The following CTTNBP2 variants were observed in gnomAD, a reference collection of about 807,000 sequenced individuals.
CTTNBP2 encodes cortactin binding protein 2, also known as cortactin-binding protein 2.
A neutral mutation model predicts 156.9 loss-of-function variants in CTTNBP2; 108 were observed. The observed-to-expected ratio is 0.69, with a 90% confidence interval of 0.59 to 0.81. The LOEUF is 0.81. CTTNBP2 is among the 30% of genes least tolerant of loss of function. The pLI, the probability that CTTNBP2 is intolerant of heterozygous loss-of-function variation, is 0.00. For synonymous variants in CTTNBP2, 767 were observed against 751.8 expected, an observed-to-expected ratio of 1.02 and a Z score of -0.33; for missense variants, 1,924 against 2,035.4, an observed-to-expected ratio of 0.95 and a Z score of 1.05.
intron 2 of CTTNBP2, among the ~76,000 whole-genome samples, chr7:117,855,563 A>G (rs1198017571): frequency 3.3e-5 from 5 of 152,220 alleles, no homozygotes; most frequent in Non-Finnish European, 7.3e-5. Flanking sequence ...TCTAGTGGGT[A>G]GAGACCAAGG....
chr7:117,737,630 G>C (rs1795777554), intron 14 of CTTNBP2, among the ~76,000 whole-genome samples: 1 of 152,178 alleles, frequency 6.6e-6, no homozygotes, highest in African/African-American at 2.4e-5. Context: ...CTGGAGTGCA[G>C]TGGCGTGATC....
chr7:117,824,633 A>T (rs1254613444), intron 2 of CTTNBP2, among the ~76,000 whole-genome samples: 1 of 152,234 alleles, frequency 6.6e-6, no homozygotes, highest in East Asian at 1.9e-4. Context: ...AGGGCAAGGG[A>T]CTTGCCCACA....
At chr7:117,818,713 A>G (rs1003461194) in intron 2 of CTTNBP2, among the ~76,000 whole-genome samples, 7 of 152,230 alleles carry the variant, frequency 4.6e-5, no homozygotes, top group African/African-American at 1.7e-4. Context: ...AAGACTGAAG[A>G]GGAAGAGCAG....
chr7:117,741,950 G>T (rs901601684), intron 14 of CTTNBP2, among the ~76,000 whole-genome samples: 1 of 152,298 alleles, frequency 6.6e-6, no homozygotes, highest in Non-Finnish European at 1.5e-5. Flanking sequence ...GCTAAGAGAA[G>T]AATAAGTTAA....
intron 3 of CTTNBP2, among the ~76,000 whole-genome samples, chr7:117,796,810 AAGTT>A (rs1799347269): frequency 6.6e-6 from 1 of 152,250 alleles, no homozygotes; most frequent in Non-Finnish European, 1.5e-5. Context: ...ATGTTTTTAT[AAGTT>A]AGATAGGGGT....
At chr7:117,757,812 T>C in intron 11 of CTTNBP2, 63 bp downstream of exon 11, 1 of 1,056,286 alleles carries the variant, frequency 9.5e-7, no homozygotes, top group Non-Finnish European at 1.4e-6. Flanking sequence ...TAAGAACTGG[T>C]GCTCTGAGGC....
chr7:117,735,704 T>A (rs558799715), intron 14 of CTTNBP2, among the ~76,000 whole-genome samples: 1 of 152,352 alleles, frequency 6.6e-6, no homozygotes, highest in South Asian at 2.1e-4. Context: ...AATAAGAGTA[T>A]GTTCATACAA....
intron 2 of CTTNBP2, among the ~76,000 whole-genome samples, chr7:117,829,392 C>A (rs1475944548): frequency 6.6e-6 from 1 of 152,220 alleles, no homozygotes; most frequent in Non-Finnish European, 1.5e-5. Context: ...GTTCTTAAAA[C>A]CCATCAGTTA....
intron 14 of CTTNBP2, among the ~76,000 whole-genome samples, chr7:117,744,551 G>C (rs1489234262): frequency 2.0e-5 from 3 of 152,094 alleles, no homozygotes; most frequent in Admixed American, 6.6e-5. Flanking sequence ...GCTCCATCGT[G>C]TATATGTACC....
At chr7:117,847,762 T>C (rs942596028) in intron 2 of CTTNBP2, among the ~76,000 whole-genome samples, 1 of 151,984 alleles carries the variant, frequency 6.6e-6, no homozygotes, top group Non-Finnish European at 1.5e-5. Context: ...GAAGCACTGA[T>C]ATGTTTTCCA....
chr7:117,861,374 A>C, intron 1 of CTTNBP2, 58 bp from the exon 2 acceptor site: 1 of 1,159,874 alleles, frequency 8.6e-7, no homozygotes, highest in Non-Finnish European at 1.3e-6. Flanking sequence ...AGACACACAC[A>C]TCCTAAGGGT....
Position 117,711,631 on chromosome 7 carries a change from C to T in CTTNBP2, c.4898G>A (p.Ser1633Asn). ...GATTTCTATTTGCCTTGTATTACTG[C>T]TGCTGCTGCTTCTTTTGGTGTTCTG... is the stretch of plus-strand genomic sequence containing the variant. ...CSQNTKRSSS[S>N]SNTRQIEINN... is the part of the protein sequence containing the mutation. Residue 1633 changes from serine to asparagine, a missense_variant, in exon 23 of 23, where the codon AGC becomes AAC. By Grantham distance (46) the Ser-to-Asn change is conservative. Coordinates refer to ENST00000160373, the MANE Select transcript of CTTNBP2 (RefSeq NM_033427.3). 1 of 1,614,014 alleles carries T rather than the reference C, an allele frequency of 6.2e-7. No individual in the cohort carries two copies. Among genetic ancestry groups the T allele is most frequent in the Non-Finnish European group, 8.5e-7 (1 of 1,179,946 alleles).
intron 2 of CTTNBP2, among the ~76,000 whole-genome samples, chr7:117,821,762 G>T (rs555188187): frequency 6.6e-6 from 1 of 151,738 alleles, no homozygotes; most frequent in East Asian, 1.9e-4. Flanking sequence ...CTAATTTTTT[G>T]TGTGTTTTTA....
intron 2 of CTTNBP2, among the ~76,000 whole-genome samples, chr7:117,853,491 A>G (rs1803063868): frequency 6.6e-6 from 1 of 152,156 alleles, no homozygotes; most frequent in African/African-American, 2.4e-5. Context: ...TGGCAAAAGA[A>G]ATTTCTGCAA....
At chr7:117,849,758 A>G (rs890071544) in intron 2 of CTTNBP2, among the ~76,000 whole-genome samples, 8 of 152,366 alleles carry the variant, frequency 5.3e-5, no homozygotes, top group Admixed American at 4.6e-4. Context: ...GAAGCCGTCC[A>G]TAATTCATCT....
chr7:117,750,415 C>G (rs1290202635), intron 12 of CTTNBP2, among the ~76,000 whole-genome samples: 1 of 152,106 alleles, frequency 6.6e-6, no homozygotes, highest in Non-Finnish European at 1.5e-5. Context: ...TCTAATGTCC[C>G]TCATGGGATA....
chr7:117,717,880 C>T (rs1794530395), intron 22 of CTTNBP2, 138 bp downstream of exon 22: 2 of 606,992 alleles, frequency 3.3e-6, no homozygotes, highest in Admixed American at 3.0e-5. Flanking sequence ...CTAATGAACA[C>T]TTTTACCTTT....
intron 12 of CTTNBP2, among the ~76,000 whole-genome samples, chr7:117,746,483 G>A (rs564803464): frequency 6.6e-6 from 1 of 152,108 alleles, no homozygotes; most frequent in Admixed American, 6.5e-5. Context: ...TAGCTTGTTC[G>A]TGGTTAAAAC....
At chr7:117,768,581 A>AAAAAAAAAAAAAAAAAAG (rs1554419704) in intron 8 of CTTNBP2, among the ~76,000 whole-genome samples, 12 of 99,112 alleles carry the variant, frequency 1.2e-4, no homozygotes, top group African/African-American at 2.9e-4. Flanking sequence ...AAAAAAAAAA[A>AAAAAAAAAAAAAAAAAAG]AAAGAAAGAA....
Sources: gnomAD v4.1 joint callset for allele counts (sites outside exome capture counted in the v4.1 genomes callset) on GRCh38, gnomAD v4.1.1 for gene constraint, MANE v1.5 for transcripts, NCBI Gene and HGNC (gene_info 2026-07-23, HGNC 2026-07-21) for gene names.